Variants in NCKAP1L observed in about 807,000 individuals in gnomAD.
NCKAP1L encodes the protein NCK associated protein 1 like.
Under a neutral mutation model 139.2 loss-of-function variants are expected in NCKAP1L, and 53 were observed. The ratio of observed to expected loss-of-function variants is 0.38; its 90% CI spans 0.31 to 0.48. The LOEUF is 0.48. Ranked by LOEUF, NCKAP1L falls within the 20% of genes least tolerant of loss-of-function variation. The pLI, the probability that NCKAP1L is intolerant of heterozygous loss-of-function variation, is 0.98. For synonymous variants in NCKAP1L, 468 were observed against 499.7 expected (o/e 0.94, Z 0.85); for missense variants, 1,151 against 1,381.9 (o/e 0.83, Z 2.65).
In NCKAP1L at chr12:54,518,817, T is replaced by C. The variant is rs1359589723; in HGVS notation, c.1420+85T>C. On this transcript the variant is annotated intron_variant, in intron 14 of 30. Transcript: ENST00000293373. ...AAATATTGATCTTTGAGCCAGGAAG[T>C]AGGACAAGATGTTTTTGAAGAGGAT... 7 of 1,510,328 alleles carry C rather than the reference T, an allele frequency of 4.6e-6. No homozygotes were observed. The East Asian group carries it at 1.1e-4, about 24-fold the overall frequency. The allele number at this position is 1,510,328 out of a possible 1,614,324, so 93.6% of individuals were successfully genotyped here.
chr12:54,547,171 C>T lies in NCKAP1L; in HGVS notation c.*4486C>T, dbSNP rs1397216059. On this transcript the variant is annotated 3_prime_UTR_variant, in exon 31 of 31. Coordinates refer to ENST00000293373, the MANE Select transcript of NCKAP1L (RefSeq NM_005337.5). ...GAGCCTCAGAGTGGAACAAGTATACCCAATTCTTATCTGTTTAGAGACGCA... is the reference window on the plus strand; with the variant it reads ...GAGCCTCAGAGTGGAACAAGTATACTCAATTCTTATCTGTTTAGAGACGCA... 6.6e-6 allele frequency: 1 copy of T among 151,990 alleles called. No homozygotes were observed. The highest frequency in any genetic ancestry group is 1.5e-5 in the Non-Finnish European group (1 of 67,988). The allele number at this position is 151,990 out of a possible 1,614,324, so 9.4% of individuals were successfully genotyped here.
intron 20 of NCKAP1L, among the ~76,000 whole-genome samples, chr12:54,526,267 A>G (rs965780357): frequency 6.6e-6 from 1 of 152,140 alleles, no homozygotes; most frequent in South Asian, 2.1e-4. Flanking sequence ...ATCAAATGTT[A>G]CTGGAATCAA....
At chr12:54,510,692 T>TG (rs1313807630) in intron 7 of NCKAP1L, among the ~76,000 whole-genome samples, 8 of 151,736 alleles carry the variant, frequency 5.3e-5, no homozygotes, top group Non-Finnish European at 1.0e-4. Flanking sequence ...TTTTTTTTTT[T>TG]TGTATCTTTA....
chr12:54,534,924 C>G (rs958276797), intron 26 of NCKAP1L, among the ~76,000 whole-genome samples, 180 bp from the exon 27 acceptor site: 1 of 151,988 alleles, frequency 6.6e-6, no homozygotes, highest in Non-Finnish European at 1.5e-5. Flanking sequence ...ATTTCTTGAG[C>G]CCAGGAGTTT....
At position 54,542,566 on chromosome 12, in the gene NCKAP1L, C is replaced by T; in HGVS notation, c.3274-9C>T. The T allele has an allele frequency of 6.2e-7, 1 of 1,604,084 alleles. No homozygotes were observed. The highest frequency in any genetic ancestry group is 1.3e-5 in the African/African-American group (1 of 74,838). On this transcript the variant is annotated splice_polypyrimidine_tract_variant and intron_variant, in intron 30 of 30. Transcript: ENST00000293373. ...TGAGGTTCTCATCTCTTGGCCCCAT[C>T]TCTTTCAGGTGGTGGAGGAGTCATC...
chr12:54,520,603 T>A, intron 16 of NCKAP1L, 91 bp from the exon 17 acceptor site: 1 of 1,387,672 alleles, frequency 7.2e-7, no homozygotes, highest in Non-Finnish European at 1.0e-6. Context: ...GACTAGCTCT[T>A]AAACTCTATT....
rs1442069778 is a variant in NCKAP1L at position 54,506,948 on chromosome 12, G to A, written c.307-905G>A. Among the ~76,000 whole-genome samples, 5 of 150,910 alleles carry A rather than the reference G, an allele frequency of 3.3e-5. No individual in the cohort carries two copies. The Admixed American group carries it at 3.3e-4, about 10-fold the overall frequency. ...CTGAATGAATTGTGGTATACCATGG[G>A]CTATTATGCAGCTATGAAAAAGGAT... On this transcript the variant is annotated intron_variant, in intron 3 of 30. Transcript: ENST00000293373.
At chr12:54,538,261 T>G (rs1213046782) in intron 29 of NCKAP1L, among the ~76,000 whole-genome samples, 1 of 152,220 alleles carries the variant, frequency 6.6e-6, no homozygotes, top group Non-Finnish European at 1.5e-5. Flanking sequence ...GACCTGGCTC[T>G]CAGCATCTTA....
In NCKAP1L at chr12:54,516,307, T is replaced by A. The variant is rs1196399311; in HGVS notation, c.998+12T>A. On this transcript the variant is annotated intron_variant, in intron 10 of 30. Transcript: ENST00000293373. ...GTAATTGCAAACAGGTAAAGGGTGGTGAATGCACTCTCTGAGAGGGGATGG... is the reference window on the plus strand; with the variant it reads ...GTAATTGCAAACAGGTAAAGGGTGGAGAATGCACTCTCTGAGAGGGGATGG... 2.5e-6 allele frequency: 4 copies of A among 1,612,088 alleles called. No homozygotes were observed. Among genetic ancestry groups the A allele is most frequent in the Non-Finnish European group, 3.4e-6 (4 of 1,178,296 alleles).
chr12:54,541,041 T>C (rs534374092), intron 30 of NCKAP1L, among the ~76,000 whole-genome samples: 1 of 152,366 alleles, frequency 6.6e-6, no homozygotes, highest in Non-Finnish European at 1.5e-5. Flanking sequence ...CCCCAGAGTC[T>C]TTCTGTTTTG....
intron 7 of NCKAP1L, among the ~76,000 whole-genome samples, chr12:54,510,666 C>T (rs1017513260): frequency 4.0e-5 from 6 of 151,310 alleles, no homozygotes; most frequent in African/African-American, 1.2e-4. Flanking sequence ...TGTGCCGCCA[C>T]ACCTGGGTAA....
chr12:54,520,909 G>T (rs1239533451), intron 17 of NCKAP1L, 83 bp downstream of exon 17: 2 of 1,586,472 alleles, frequency 1.3e-6, no homozygotes, highest in East Asian at 4.5e-5. Flanking sequence ...GGTTGATTTT[G>T]GTCCCAGAAA....
intron 26 of NCKAP1L, among the ~76,000 whole-genome samples, chr12:54,533,648 C>T (rs1203947675): frequency 1.3e-5 from 2 of 152,010 alleles, no homozygotes; most frequent in East Asian, 3.9e-4. Context: ...CTCACTGCAA[C>T]CTCTACCTCC....
intron 3 of NCKAP1L, among the ~76,000 whole-genome samples, chr12:54,506,695 A>G (rs750993002): frequency 9.4e-5 from 14 of 148,554 alleles, no homozygotes; most frequent in Non-Finnish European, 2.1e-4. Flanking sequence ...AGCCTTCCAA[A>G]ATGCTGGGAT....
chr12:54,527,970 G>A (rs1957039798), intron 21 of NCKAP1L, among the ~76,000 whole-genome samples: 1 of 152,184 alleles, frequency 6.6e-6, no homozygotes, highest in African/African-American at 2.4e-5. Flanking sequence ...TTGGAAAAGA[G>A]CAGTGGTTGA....
At chr12:54,500,789 A>C (rs1956791706) in intron 3 of NCKAP1L, 164 bp downstream of exon 3, 2 of 582,730 alleles carry the variant, frequency 3.4e-6, no homozygotes, top group Middle Eastern at 5.5e-4. Context: ...GCAAATTTCA[A>C]AATAGTATAT....
intron 2 of NCKAP1L, among the ~76,000 whole-genome samples, chr12:54,500,026 A>C (rs1335199327): frequency 1.3e-5 from 2 of 152,158 alleles, no homozygotes; most frequent in East Asian, 1.9e-4. Flanking sequence ...CATTCTACCT[A>C]GATAGACAAT....
At chr12:54,536,903 T>C (rs778324216) in intron 28 of NCKAP1L, 41 bp from the exon 29 acceptor site, 3 of 1,433,632 alleles carry the variant, frequency 2.1e-6, no homozygotes, top group Non-Finnish European at 2.9e-6. Context: ...TACTTTGTCA[T>C]TTCCTCTTTT....
At chr12:54,500,804 C>T (rs111680700) in intron 3 of NCKAP1L, 179 bp downstream of exon 3, 174 of 535,670 alleles carry the variant, frequency 3.2e-4, no homozygotes, top group African/African-American at 3.0e-3. Flanking sequence ...GTATATGATA[C>T]ATCACATTTC....
Sources: gnomAD v4.1 joint callset for allele counts (sites outside exome capture counted in the v4.1 genomes callset) on GRCh38, gnomAD v4.1.1 for gene constraint, MANE v1.5 for transcripts, NCBI Gene and HGNC (gene_info 2026-07-23, HGNC 2026-07-21) for gene names.